MAML2: variants seen among roughly 807,000 people sequenced by gnomAD.
MAML2 encodes mastermind-like protein 2.
A neutral mutation model predicts 96.1 loss-of-function variants in MAML2; 22 were observed. The ratio of observed to expected loss-of-function variants is 0.23; its 90% CI spans 0.16 to 0.33. The LOEUF (loss-of-function observed/expected upper bound fraction) is 0.33, where lower values mean the gene tolerates loss of function less well. Ranked by LOEUF, MAML2 falls within the 10% of genes least tolerant of loss-of-function variation. MAML2 has a pLI of 1.00. For synonymous variants in MAML2, 561 were observed against 521.3 expected (o/e 1.08, Z -1.04); for missense variants, 1,367 against 1,392.4 (o/e 0.98, Z 0.29).
At chr11:96,039,682 C>T (rs1420912430) in intron 2 of MAML2, among the ~76,000 whole-genome samples, 2 of 149,678 alleles carry the variant, frequency 1.3e-5, no homozygotes, top group East Asian at 2.1e-4. Flanking sequence ...CGCGGTGGCT[C>T]ACGCCTGTAA....
At position 96,319,851 on chromosome 11, in the gene MAML2, C is replaced by T. The variant is rs149822581; in HGVS notation, c.513+21532G>A. Among the ~76,000 whole-genome samples, 997 of 152,252 alleles carry T rather than the reference C, an allele frequency of 6.5e-3. 11 individuals carry two copies. The highest frequency in any genetic ancestry group is 0.021 in the South Asian group (102 of 4,826). On this transcript the variant is annotated intron_variant, in intron 1 of 4. Coordinates refer to ENST00000524717, the MANE Select transcript of MAML2 (RefSeq NM_032427.4). ...TCATAACCCATAAAACTAAATAATC[C>T]GATAATTTTTTATTGCAACAAGCAC...
At chr11:96,178,831 A>G (rs1337400766) in intron 1 of MAML2, among the ~76,000 whole-genome samples, 1 of 152,196 alleles carries the variant, frequency 6.6e-6, no homozygotes, top group Non-Finnish European at 1.5e-5. Flanking sequence ...GAACAAAAGG[A>G]TCAGGAGGAT....
chr11:96,237,745 T>A (rs1209728620), intron 1 of MAML2, among the ~76,000 whole-genome samples: 1 of 152,222 alleles, frequency 6.6e-6, no homozygotes, highest in Non-Finnish European at 1.5e-5. Flanking sequence ...GAAAACTACA[T>A]AATCTTTTAT....
At chr11:96,315,217 A>G (rs567293920) in intron 1 of MAML2, among the ~76,000 whole-genome samples, 4 of 115,316 alleles carry the variant, frequency 3.5e-5, no homozygotes, top group African/African-American at 1.2e-4. Flanking sequence ...GAAGGTGGGG[A>G]ATGGTATTGA....
intron 2 of MAML2, among the ~76,000 whole-genome samples, chr11:96,069,489 C>T (rs1822058066): frequency 6.6e-6 from 1 of 151,578 alleles, no homozygotes; most frequent in African/African-American, 2.4e-5. Context: ...GCCTGGGCAA[C>T]ATGGTAAAAC....
At chr11:96,294,989 T>C (rs754143838) in intron 1 of MAML2, among the ~76,000 whole-genome samples, 1 of 152,170 alleles carries the variant, frequency 6.6e-6, no homozygotes, top group East Asian at 1.9e-4. Flanking sequence ...GCCAGTAACA[T>C]TGACTTTGGT....
chr11:96,283,104 C>G (rs147605950), intron 1 of MAML2, among the ~76,000 whole-genome samples: 213 of 152,306 alleles, frequency 1.4e-3, no homozygotes, highest in South Asian at 3.7e-3. Context: ...AATCCACAAA[C>G]TTTAACTTTT....
intron 4 of MAML2, among the ~76,000 whole-genome samples, chr11:95,983,565 C>G (rs1054361076): frequency 5.9e-5 from 9 of 152,024 alleles, no homozygotes; most frequent in Admixed American, 5.9e-4. Context: ...TTGAACGTTC[C>G]CAACACAAAG....
At chr11:96,091,168 T>C (rs770677687) in intron 2 of MAML2, among the ~76,000 whole-genome samples, 8 of 152,204 alleles carry the variant, frequency 5.3e-5, no homozygotes, top group Non-Finnish European at 1.0e-4. Context: ...AGATTTTTTT[T>C]ATCTGTAGTC....
intron 1 of MAML2, among the ~76,000 whole-genome samples, chr11:96,212,458 G>A (rs1337758268): frequency 6.6e-6 from 1 of 152,102 alleles, no homozygotes; most frequent in African/African-American, 2.4e-5. Flanking sequence ...GAAGCAAGAG[G>A]CAATCTGGAA....
At chr11:96,080,884 C>T (rs1182530901) in intron 2 of MAML2, among the ~76,000 whole-genome samples, 1 of 152,168 alleles carries the variant, frequency 6.6e-6, no homozygotes, top group Non-Finnish European at 1.5e-5. Flanking sequence ...GAACCTGATT[C>T]TGAGGTAGAC....
chr11:96,212,489 T>C (rs1861987448), intron 1 of MAML2, among the ~76,000 whole-genome samples: 1 of 152,174 alleles, frequency 6.6e-6, no homozygotes, highest in Non-Finnish European at 1.5e-5. Context: ...TGGCAAAAAC[T>C]GCAATGACTT....
At chr11:96,191,540 T>A (rs1184058245) in intron 1 of MAML2, among the ~76,000 whole-genome samples, 1 of 150,580 alleles carries the variant, frequency 6.6e-6, no homozygotes, top group African/African-American at 2.4e-5. Flanking sequence ...TTTGGGAGGC[T>A]GAGGTGGCTG....
At chr11:96,164,963 C>T (rs1424696600) in intron 1 of MAML2, among the ~76,000 whole-genome samples, 1 of 152,074 alleles carries the variant, frequency 6.6e-6, no homozygotes, top group Non-Finnish European at 1.5e-5. Flanking sequence ...CAAGAACTTT[C>T]CATTATATAA....
chr11:96,044,558 C>T (rs759474838), intron 2 of MAML2, among the ~76,000 whole-genome samples: 1 of 152,114 alleles, frequency 6.6e-6, no homozygotes, highest in African/African-American at 2.4e-5. Context: ...TTAATCTTGG[C>T]ATAGAGGGAG....
At chr11:96,105,216 G>A (rs1342896206) in intron 1 of MAML2, among the ~76,000 whole-genome samples, 4 of 152,206 alleles carry the variant, frequency 2.6e-5, no homozygotes, top group Non-Finnish European at 5.9e-5. Context: ...TTTTATGAAA[G>A]AAGAGCATTA....
chr11:96,032,241 C>T (rs1395377768), intron 2 of MAML2, among the ~76,000 whole-genome samples: 3 of 152,060 alleles, frequency 2.0e-5, no homozygotes, highest in Middle Eastern at 3.2e-3. Flanking sequence ...TAAATATACA[C>T]TTACCATATG....
intron 1 of MAML2, among the ~76,000 whole-genome samples, chr11:96,160,635 C>A (rs190168394): frequency 1.3e-5 from 2 of 152,240 alleles, no homozygotes; most frequent in African/African-American, 4.8e-5. Context: ...GCCATATTGG[C>A]CAGGCTGGTC....
At chr11:96,263,953 A>C (rs1021024749) in intron 1 of MAML2, among the ~76,000 whole-genome samples, 1 of 152,152 alleles carries the variant, frequency 6.6e-6, no homozygotes, top group Non-Finnish European at 1.5e-5. Context: ...CCTTAGGGGG[A>C]TTTGGTGAGG....
Sources: gnomAD v4.1 joint callset for allele counts (sites outside exome capture counted in the v4.1 genomes callset) on GRCh38, gnomAD v4.1.1 for gene constraint, MANE v1.5 for transcripts, NCBI Gene and HGNC (gene_info 2026-07-23, HGNC 2026-07-21) for gene names.